The following KCNQ5 variants were observed in gnomAD, a reference collection of about 807,000 sequenced individuals.
KCNQ5 encodes the protein potassium voltage-gated channel subfamily KQT member 5.
A neutral mutation model predicts 98.2 loss-of-function variants in KCNQ5; 30 were observed. The ratio of observed to expected loss-of-function variants is 0.31; its 90% confidence interval spans 0.23 to 0.41. KCNQ5 has a LOEUF of 0.41. Among genes scored for constraint, KCNQ5 ranks in the 10% least tolerant of loss-of-function variants. KCNQ5 has a pLI of 1.00. For synonymous variants in KCNQ5, 458 were observed against 449.4 expected (o/e 1.02, Z -0.24); for missense variants, 835 against 1,182.5 (o/e 0.71, Z 4.31).
chr6:72,695,932 T>A (rs886936057), intron 1 of KCNQ5, among the ~76,000 whole-genome samples: 12 of 152,154 alleles, frequency 7.9e-5, no homozygotes, highest in African/African-American at 2.7e-4. Context: ...ACAATTTTTT[T>A]AAAAGTGAGC....
At chr6:72,661,712 G>A (rs1399125713) in intron 1 of KCNQ5, among the ~76,000 whole-genome samples, 1 of 152,148 alleles carries the variant, frequency 6.6e-6, no homozygotes, top group Non-Finnish European at 1.5e-5. Context: ...AAGGCTGCCT[G>A]TGACTTAACT....
At chr6:72,996,632 T>C (rs990419922) in intron 1 of KCNQ5, among the ~76,000 whole-genome samples, 1 of 152,218 alleles carries the variant, frequency 6.6e-6, no homozygotes, top group Non-Finnish European at 1.5e-5. Context: ...AGACAGTCTT[T>C]TTTGAAACCA....
intron 1 of KCNQ5, among the ~76,000 whole-genome samples, chr6:72,877,514 T>C (rs1413781638): frequency 6.6e-6 from 1 of 152,214 alleles, no homozygotes; most frequent in Non-Finnish European, 1.5e-5. Context: ...TAAATAGTGC[T>C]GCAATAAACA....
chr6:73,044,513 A>T (rs998874007), intron 3 of KCNQ5, among the ~76,000 whole-genome samples: 16 of 152,304 alleles, frequency 1.1e-4, no homozygotes, highest in African/African-American at 3.4e-4. Flanking sequence ...CCCATGGTCC[A>T]GCTGAATGGA....
At chr6:73,130,454 C>A (rs1443469178) in intron 9 of KCNQ5, among the ~76,000 whole-genome samples, 1 of 152,186 alleles carries the variant, frequency 6.6e-6, no homozygotes, top group Non-Finnish European at 1.5e-5. Context: ...AAGAGAGATG[C>A]TCCGATCAAT....
intron 1 of KCNQ5, among the ~76,000 whole-genome samples, chr6:72,641,930 T>C (rs2098927402): frequency 6.6e-6 from 1 of 151,812 alleles, no homozygotes; most frequent in African/African-American, 2.4e-5. Context: ...TTATGAACAA[T>C]TCTCTACGCC....
chr6:72,899,007 A>G (rs1050790794), intron 1 of KCNQ5, among the ~76,000 whole-genome samples: 3 of 152,072 alleles, frequency 2.0e-5, no homozygotes, highest in Non-Finnish European at 4.4e-5. Flanking sequence ...TCCTTTGCCC[A>G]GTTTTTGATA....
rs572163494 is a variant in KCNQ5 at position 72,891,333 on chromosome 6, G to T, written c.399-112575G>T. Among the ~76,000 whole-genome samples the T allele has an allele frequency of 1.1e-3, 165 of 152,162 alleles. 1 individual carries two copies. Among genetic ancestry groups the T allele is most frequent in the Non-Finnish European group, 2.4e-4 (16 of 68,026 alleles). ...ATTCTACACTTGAGTATGTGTAAATGGTTGGATGTGTAAATGGTTGGATGA... is the reference window on the plus strand; with the variant it reads ...ATTCTACACTTGAGTATGTGTAAATTGTTGGATGTGTAAATGGTTGGATGA... On this transcript the variant is annotated intron_variant, in intron 1 of 13. Transcript: ENST00000370398.
intron 5 of KCNQ5, among the ~76,000 whole-genome samples, chr6:73,088,774 T>C (rs1479355700): frequency 6.6e-6 from 1 of 152,216 alleles, no homozygotes; most frequent in East Asian, 1.9e-4. Context: ...TATAATGCTT[T>C]TATTTATGGT....
At chr6:73,181,294 A>G (rs1778396217) in intron 11 of KCNQ5, among the ~76,000 whole-genome samples, 1 of 152,250 alleles carries the variant, frequency 6.6e-6, no homozygotes, top group Non-Finnish European at 1.5e-5. Context: ...ACAGCATCAA[A>G]GGAGACTAAC....
chr6:72,935,792 C>T (rs1765889336), intron 1 of KCNQ5, among the ~76,000 whole-genome samples: 1 of 152,070 alleles, frequency 6.6e-6, no homozygotes, highest in Admixed American at 6.6e-5. Flanking sequence ...CGGTTTTTGC[C>T]AAATTCAAAA....
intron 3 of KCNQ5, among the ~76,000 whole-genome samples, chr6:73,066,388 C>T (rs1773058747): frequency 6.6e-6 from 1 of 152,136 alleles, no homozygotes; most frequent in African/African-American, 2.4e-5. Context: ...GCTTTAACAT[C>T]AGCCTACCCC....
At chr6:72,853,224 T>G (rs1719479915) in intron 1 of KCNQ5, among the ~76,000 whole-genome samples, 1 of 152,222 alleles carries the variant, frequency 6.6e-6, no homozygotes, top group African/African-American at 2.4e-5. Flanking sequence ...GACAGTTGAA[T>G]AAGACATATG....
At chr6:72,680,733 A>C (rs966368014) in intron 1 of KCNQ5, among the ~76,000 whole-genome samples, 1 of 152,214 alleles carries the variant, frequency 6.6e-6, no homozygotes, top group African/African-American at 2.4e-5. Context: ...CCCAAAATCC[A>C]CATTTACAAA....
rs1055292684 is a variant in KCNQ5 at position 73,161,979 on chromosome 6, C to T, written c.1469-7767C>T. On this transcript the variant is annotated intron_variant, in intron 10 of 13. Coordinates refer to ENST00000370398, the MANE Select transcript of KCNQ5 (RefSeq NM_019842.4). ...TCACCCAGACTAGAGTGCAATGGTG[C>T]GATCTTGGCTCACTGCAACCTCCTT... is the stretch of plus-strand genomic sequence containing the variant. Among the ~76,000 whole-genome samples, 9 of 152,122 alleles carry T rather than the reference C, an allele frequency of 5.9e-5. No individual in the cohort carries two copies. The East Asian group carries it at 1.7e-3, about 29-fold the overall frequency.
intron 1 of KCNQ5, among the ~76,000 whole-genome samples, chr6:72,852,578 G>C (rs1347176538): frequency 7.1e-6 from 1 of 139,992 alleles, no homozygotes; most frequent in African/African-American, 2.7e-5. Flanking sequence ...CGTGAAGATA[G>C]AGAGTAGATT....
intron 1 of KCNQ5, among the ~76,000 whole-genome samples, chr6:72,896,833 T>C (rs995954270): frequency 6.6e-6 from 1 of 152,158 alleles, no homozygotes; most frequent in Non-Finnish European, 1.5e-5. Context: ...CAGAGCCATC[T>C]CTCAAAAACT....
intron 1 of KCNQ5, among the ~76,000 whole-genome samples, chr6:72,651,032 GT>G (rs1276368937): frequency 6.6e-6 from 1 of 152,062 alleles, no homozygotes; most frequent in African/African-American, 2.4e-5. Context: ...TTTGTAAACT[GT>G]TTTGTAAATG....
chr6:72,711,763 G>T (rs1482418438), intron 1 of KCNQ5, among the ~76,000 whole-genome samples: 5 of 152,194 alleles, frequency 3.3e-5, no homozygotes, highest in African/African-American at 7.2e-5. Flanking sequence ...CTTTAAGAAT[G>T]AATTTGTTGG....
Sources: gnomAD v4.1 joint callset for allele counts (sites outside exome capture counted in the v4.1 genomes callset) on GRCh38, gnomAD v4.1.1 for gene constraint, MANE v1.5 for transcripts, NCBI Gene and HGNC (gene_info 2026-07-23, HGNC 2026-07-21) for gene names.